Variants in MYT1L observed in about 807,000 individuals in gnomAD.
The protein encoded by MYT1L is myelin transcription factor 1 like.
A neutral mutation model predicts 126.7 loss-of-function variants in MYT1L; 12 were observed. The ratio of observed to expected loss-of-function variants is 0.09; its 90% CI spans 0.06 to 0.15. The LOEUF (loss-of-function observed/expected upper bound fraction) is 0.15. MYT1L is among the 10% of genes least tolerant of loss of function. The pLI, the probability that MYT1L is intolerant of heterozygous loss-of-function variation, is 1.00. For synonymous variants in MYT1L, 541 were observed against 604.2 expected (o/e 0.90, Z 1.53); for missense variants, 979 against 1,585.2 (o/e 0.62, Z 6.49).
intron 2 of MYT1L, among the ~76,000 whole-genome samples, chr2:2,207,944 C>G (rs1351267800): frequency 6.6e-6 from 1 of 152,120 alleles, no homozygotes; most frequent in Non-Finnish European, 1.5e-5. Flanking sequence ...CTCTGTAACT[C>G]CCTTCTACTG....
At chr2:1,883,544 C>T (rs893364694) in intron 18 of MYT1L, among the ~76,000 whole-genome samples, 5 of 152,176 alleles carry the variant, frequency 3.3e-5, no homozygotes, top group Non-Finnish European at 7.3e-5. Context: ...TTCTCACCCC[C>T]CAAAACTCTA....
intron 3 of MYT1L, among the ~76,000 whole-genome samples, chr2:2,097,734 G>A (rs55781542): frequency 0.018 from 2,804 of 152,204 alleles, 76 homozygotes; most frequent in African/African-American, 0.06. Flanking sequence ...CATGGTTGCC[G>A]GTACTCATCG....
chr2:2,051,578 A>AGAAATTACTACTT (rs2068833439), intron 4 of MYT1L, among the ~76,000 whole-genome samples: 1 of 152,228 alleles, frequency 6.6e-6, no homozygotes, highest in Non-Finnish European at 1.5e-5. Context: ...AATTACTACT[A>AGAAATTACTACTT]GAGAACAAAG....
rs764735500 is a variant in MYT1L at position 1,917,373 on chromosome 2, G to T, written c.1484-34C>A. On this transcript the variant is annotated intron_variant, in intron 10 of 24. Transcript: ENST00000647738. The surrounding 1 kb of genome is among the most constrained non-coding windows in gnomAD (Gnocchi z 5.9). ...GACAACAGGTGCCAAGAGAATAAAT[G>T]TTTACCAATCAAAGACAAATGTGAT... is the stretch of plus-strand genomic sequence containing the variant. 1.2e-5 allele frequency: 19 copies of T among 1,570,478 alleles called. No individual in the cohort carries two copies. The highest frequency in any genetic ancestry group is 1.6e-5 in the Non-Finnish European group (19 of 1,153,348).
chr2:2,140,622 G>GA (rs1363339020), intron 3 of MYT1L, among the ~76,000 whole-genome samples: 2 of 151,874 alleles, frequency 1.3e-5, no homozygotes, highest in Non-Finnish European at 2.9e-5. Flanking sequence ...TTTTAGTAGA[G>GA]ACGGGGTTTC....
chr2:2,280,180 C>A (rs2095427824), intron 2 of MYT1L, among the ~76,000 whole-genome samples: 1 of 152,108 alleles, frequency 6.6e-6, no homozygotes, highest in Non-Finnish European at 1.5e-5. Context: ...TTTTTCTTCC[C>A]ATAAGGAGGA....
chr2:2,115,048 C>T (rs899783926), intron 3 of MYT1L, among the ~76,000 whole-genome samples: 8 of 152,220 alleles, frequency 5.3e-5, no homozygotes, highest in African/African-American at 1.9e-4. Flanking sequence ...TCCCCTCTGC[C>T]TGGCACGCAC....
At chr2:2,187,428 TTAATTA>T (rs2148705758) in intron 2 of MYT1L, among the ~76,000 whole-genome samples, 1 of 152,126 alleles carries the variant, frequency 6.6e-6, no homozygotes, top group South Asian at 2.1e-4. Flanking sequence ...CCATCAGGCC[TTAATTA>T]CACGGCGCGT....
At chr2:2,148,681 G>A (rs897177293) in intron 3 of MYT1L, among the ~76,000 whole-genome samples, 4 of 152,162 alleles carry the variant, frequency 2.6e-5, no homozygotes, top group African/African-American at 9.7e-5. Context: ...CAGAGCACGA[G>A]GTATGAACAG....
intron 2 of MYT1L, among the ~76,000 whole-genome samples, chr2:2,223,301 C>T (rs982080089): frequency 6.6e-6 from 1 of 152,048 alleles, no homozygotes; most frequent in African/African-American, 2.4e-5. Context: ...CTAGTTTGTC[C>T]CTTAATATTT....
At chr2:2,235,065 A>G (rs1288688468) in intron 2 of MYT1L, among the ~76,000 whole-genome samples, 1 of 151,910 alleles carries the variant, frequency 6.6e-6, no homozygotes, top group East Asian at 1.9e-4. Flanking sequence ...GTCATAACCC[A>G]CCAATTTCTC....
intron 21 of MYT1L, among the ~76,000 whole-genome samples, chr2:1,837,586 G>C (rs1009572598): frequency 6.6e-6 from 1 of 152,106 alleles, no homozygotes; most frequent in African/African-American, 2.4e-5. Flanking sequence ...TTCACGCGGA[G>C]TTCTTTGTAA....
rs558022946 is a variant in MYT1L at position 2,004,339 on chromosome 2, G to C, written c.-157-6992C>G. Among the ~76,000 whole-genome samples the C allele has an allele frequency of 8.7e-5, 11 of 126,242 alleles. 1 individual carries two copies. The East Asian group carries it at 1.3e-3, about 15-fold the overall frequency. 82.8% of individuals were successfully genotyped at this position (126,242 alleles called of 152,430 possible). A position where few individuals can be genotyped will look rare whatever the true frequency, so the allele number is the denominator to read the frequency against. On this transcript the variant is annotated intron_variant, in intron 4 of 24. Coordinates refer to ENST00000647738, the MANE Select transcript of MYT1L (RefSeq NM_001303052.2). The stretch of plus-strand genomic sequence containing the variant: ...CCTGCAGGCGTTCTTTCCTGCATAC[G>C]TTCTTTCCTGCGTGCCTTCTTTCCT...
At chr2:2,125,554 G>A (rs1036670092) in intron 3 of MYT1L, among the ~76,000 whole-genome samples, 5 of 152,124 alleles carry the variant, frequency 3.3e-5, no homozygotes, top group African/African-American at 4.8e-5. Flanking sequence ...TGTTGAATGC[G>A]TGAGTGGGGC....
rs557872667 is a variant in MYT1L, at chr2:1,801,604, C to T, written c.3276+92G>A. On this transcript the variant is annotated intron_variant, in intron 23 of 24. Transcript: ENST00000647738. This position sits in a 1 kb window ranked among gnomAD's most constrained non-coding sequence, Gnocchi z 4.2. Reference sequence around the variant, plus strand: ...AAATAAAAGAGCAAATAAGAGGAAACGACAGCTCTCCTAAAAGCTGATTTC... The same window carrying T: ...AAATAAAAGAGCAAATAAGAGGAAATGACAGCTCTCCTAAAAGCTGATTTC... 25 of 772,524 alleles carry T rather than the reference C, an allele frequency of 3.2e-5. No homozygotes were observed. Among genetic ancestry groups the T allele is most frequent in the Middle Eastern group, 2.4e-4 (1 of 4,252 alleles). 47.9% of individuals were successfully genotyped at this position (772,524 alleles called of 1,614,324 possible). A position where few individuals can be genotyped will look rare whatever the true frequency, so the allele number is the denominator to read the frequency against.
At chr2:2,014,419 CCGGTCATCCTGGGAGAGAA>C (rs2064160119) in intron 4 of MYT1L, among the ~76,000 whole-genome samples, 1 of 152,134 alleles carries the variant, frequency 6.6e-6, no homozygotes, top group Non-Finnish European at 1.5e-5. Context: ...CCTGGGAAGG[CCGGTCATCCTGGGAGAGAA>C]CTGTGCAGGG....
intron 9 of MYT1L, among the ~76,000 whole-genome samples, chr2:1,936,472 T>C (rs774146309): frequency 7.9e-5 from 12 of 152,194 alleles, no homozygotes; most frequent in Non-Finnish European, 1.5e-4. Flanking sequence ...GTCCTAAAAA[T>C]GCCTCCGTGG....
At chr2:2,241,098 T>A (rs1321536704) in intron 2 of MYT1L, among the ~76,000 whole-genome samples, 1 of 152,206 alleles carries the variant, frequency 6.6e-6, no homozygotes, top group East Asian at 1.9e-4. Flanking sequence ...GATGCTGTAA[T>A]GGTACCAAGA....
intron 2 of MYT1L, among the ~76,000 whole-genome samples, chr2:2,201,697 CA>C (rs34259469): frequency 0.032 from 4,149 of 130,584 alleles, 63 homozygotes; most frequent in African/African-American, 0.054. Flanking sequence ...GACTCTGCCT[CA>C]AAAAAAAAAA....
Sources: gnomAD v4.1 joint callset for allele counts (sites outside exome capture counted in the v4.1 genomes callset) on GRCh38, gnomAD v4.1.1 for gene constraint, Gnocchi (gnomAD v3.1) non-coding constraint, MANE v1.5 for transcripts, NCBI Gene and HGNC (gene_info 2026-07-23, HGNC 2026-07-21) for gene names.